BOC: variants seen among roughly 807,000 people sequenced by gnomAD.
BOC encodes BOC cell adhesion associated, oncogene regulated, also known as brother of CDO.
Under a neutral mutation model 112.0 loss-of-function variants are expected in BOC, and 76 were observed. That is an observed-to-expected ratio of 0.68 (90% CI 0.56 to 0.82). The LOEUF is 0.82. Among genes scored for constraint, BOC ranks in the 40% least tolerant of loss-of-function variants. BOC has a pLI of 0.00. For synonymous variants in BOC, 580 were observed against 599.8 expected, an observed-to-expected ratio of 0.97 and a Z score of 0.48; for missense variants, 1,309 against 1,511.7, an observed-to-expected ratio of 0.87 and a Z score of 2.22.
chr3:113,285,485 C>T lies in BOC; in HGVS notation c.3080C>T (p.Ala1027Val), dbSNP rs1387898963. ...HDCCQRQEQPAAVGQSGVRRA... is the reference protein window; with the variant it reads ...HDCCQRQEQPVAVGQSGVRRA... ...TGCTGCCAACGCCAGGAGCAGCCTG[C>T]TGCTGTGGGCCAGTCAGGGGTGAGG... is the stretch of plus-strand genomic sequence containing the variant. Residue 1027 changes from alanine (A) to valine (V), a missense_variant, in exon 19 of 20, where the codon GCT (alanine) becomes GTT (valine). Coordinates refer to ENST00000682979, the MANE Select transcript of BOC (RefSeq NM_001378074.1). 8.7e-6 allele frequency: 14 copies of T among 1,614,062 alleles called. No individual in the cohort carries two copies. Among genetic ancestry groups the T allele is most frequent in the Non-Finnish European group, 1.0e-5 (12 of 1,179,974 alleles).
chr3:113,276,305 C>A (rs1238590504), intron 9 of BOC, among the ~76,000 whole-genome samples: 2 of 152,340 alleles, frequency 1.3e-5, no homozygotes, highest in South Asian at 4.1e-4. Context: ...GCCGCATTCA[C>A]CCCCTCAGTG....
chr3:113,284,817 T>C lies in BOC; in HGVS notation c.2925T>C (p.His975=). Residue 975 remains histidine (H), a synonymous_variant, in exon 18 of 20, where the codon CAT becomes CAC. Coordinates refer to ENST00000682979, the MANE Select transcript of BOC (RefSeq NM_001378074.1). ...SDTSSLLRQT[H]LGNGYDPQSH... is the part of the protein sequence containing the mutation. Reference sequence around the variant, plus strand: ...CCAGCAGCCTGCTGAGGCAGACCCATCTTGGCAATGGATATGACCCCCAAA... The same window carrying C: ...CCAGCAGCCTGCTGAGGCAGACCCACCTTGGCAATGGATATGACCCCCAAA... 2 of 1,614,184 alleles carry C rather than the reference T, an allele frequency of 1.2e-6. No homozygotes were observed. Among genetic ancestry groups the C allele is most frequent in the Non-Finnish European group, 1.7e-6 (2 of 1,180,024 alleles).
At chr3:113,228,934 G>C (rs6799473) in intron 2 of BOC, among the ~76,000 whole-genome samples, 61,744 of 151,994 alleles carry the variant, frequency 0.41, 15,790 homozygotes, top group African/African-American at 0.73. Context: ...CTGCTCCTCC[G>C]CTCCCATACA....
In BOC at chr3:113,250,833, A is replaced by G; in HGVS notation, c.376A>G (p.Asn126Asp). 6.2e-7 allele frequency: 1 copy of G among 1,613,382 alleles called. No individual in the cohort carries two copies. The highest frequency in any genetic ancestry group is 1.6e-4 in the Middle Eastern group (1 of 6,062). Residue 126 changes from asparagine (N) to aspartate (D), a missense_variant and splice_region_variant, in exon 4 of 20, where the codon AAT becomes GAT. Coordinates refer to ENST00000682979, the MANE Select transcript of BOC (RefSeq NM_001378074.1). ...CGTGCCAGCCACTGTGACACTAGCC[A>G]GTGAGTCTGCTCCTTTGCCTCCCTG... ...ASVPATVTLA[N>D]LQDFKLDVQH... is the part of the protein sequence containing the mutation.
intron 4 of BOC, among the ~76,000 whole-genome samples, chr3:113,259,005 A>G (rs1946525144): frequency 1.3e-5 from 2 of 152,218 alleles, no homozygotes; most frequent in South Asian, 4.1e-4. Context: ...GCTCACTAGA[A>G]TTATCCCTGA....
At chr3:113,265,309 T>G (rs2107592728) in intron 4 of BOC, among the ~76,000 whole-genome samples, 1 of 152,214 alleles carries the variant, frequency 6.6e-6, no homozygotes. Context: ...TTAAGTATAT[T>G]CTTTGCTTAA....
At chr3:113,269,648 A>C (rs1362108224) in intron 5 of BOC, 1 of 152,232 alleles carries the variant, frequency 6.6e-6, no homozygotes, top group Non-Finnish European at 1.5e-5. Flanking sequence ...GAGAATACAG[A>C]AAACTGTTTT....
intron 4 of BOC, among the ~76,000 whole-genome samples, chr3:113,267,820 T>G (rs1307445289): frequency 6.6e-6 from 1 of 152,210 alleles, no homozygotes; most frequent in Non-Finnish European, 1.5e-5. Context: ...CTCTGCCTCC[T>G]GGGTTCATGC....
At chr3:113,212,755 T>G (rs1024689863) in intron 1 of BOC, 1 of 152,484 alleles carries the variant, frequency 6.6e-6, no homozygotes, top group Non-Finnish European at 1.5e-5. Flanking sequence ...CGCGCGTGTG[T>G]GCGTGTTCGC....
chr3:113,286,560 C>A, intron 19 of BOC, 115 bp from the exon 20 acceptor site: 1 of 991,506 alleles, frequency 1.0e-6, no homozygotes, highest in African/African-American at 1.7e-5. Context: ...TTTCTGTCCC[C>A]TTTCCAGAGC....
At position 113,278,980 on chromosome 3, in the gene BOC, T is replaced by G. The variant is rs1208162539; in HGVS notation, c.1816+197T>G. 5.0e-5 allele frequency: 32 copies of G among 643,604 alleles called. No homozygotes were observed. Among genetic ancestry groups the G allele is most frequent in the Middle Eastern group, 4.2e-4 (1 of 2,396 alleles). The allele number at this position is 643,604 out of a possible 1,614,324, so 39.9% of individuals were successfully genotyped here. Reference sequence around the variant, plus strand: ...ATTGATGCTGGGATTGCTCACTGGGTGCATCCAGAGAGCAGCAGAGGCCAG... The same window carrying G: ...ATTGATGCTGGGATTGCTCACTGGGGGCATCCAGAGAGCAGCAGAGGCCAG... On this transcript the variant is annotated intron_variant, in intron 11 of 19. Coordinates refer to ENST00000682979, the MANE Select transcript of BOC (RefSeq NM_001378074.1). The surrounding 1 kb of genome is among the most constrained non-coding windows in gnomAD (Gnocchi z 4.2).
At chr3:113,269,281 G>A (rs1947853864) in intron 5 of BOC, 1 of 152,250 alleles carries the variant, frequency 6.6e-6, no homozygotes, top group South Asian at 2.1e-4. Flanking sequence ...GACAGACACG[G>A]CAGCAGGTCT....
In BOC at chr3:113,249,900, G is replaced by A. The variant is rs1397691481; in HGVS notation, c.97+1G>A. On this transcript the variant is annotated splice_donor_variant, in intron 3 of 19. Transcript: ENST00000682979. LOFTEE classifies it high-confidence loss of function. ...ACAGCAGGCTGCTTTGCTGACTTGA[G>A]TGAGTGCTTTCCTTCCCTTTCCCTG... 1.2e-6 allele frequency: 2 copies of A among 1,612,924 alleles called. No homozygotes were observed. Among genetic ancestry groups the A allele is most frequent in the African/African-American group, 2.7e-5 (2 of 74,914 alleles).
chr3:113,271,141 A>C, intron 6 of BOC, 197 bp downstream of exon 6: 19 of 743,892 alleles, frequency 2.6e-5, no homozygotes, highest in Non-Finnish European at 3.8e-5. Flanking sequence ...CCAGCATCTC[A>C]CAGCACACAG....
intron 4 of BOC, among the ~76,000 whole-genome samples, chr3:113,259,817 A>T (rs1946620802): frequency 6.6e-6 from 1 of 152,230 alleles, no homozygotes; most frequent in Non-Finnish European, 1.5e-5. Context: ...ATTAATAGTG[A>T]GGTGCTTACA....
intron 2 of BOC, among the ~76,000 whole-genome samples, chr3:113,233,328 G>A (rs1239765752): frequency 1.3e-5 from 2 of 152,110 alleles, no homozygotes; most frequent in East Asian, 1.9e-4. Flanking sequence ...TCATGTGGAG[G>A]GTATAAATGT....
chr3:113,250,811 G>A lies in BOC; in HGVS notation c.354G>A (p.Val118=). The A allele has an allele frequency of 6.2e-7, 1 of 1,612,792 alleles. No homozygotes were observed. The highest frequency in any genetic ancestry group is 8.5e-7 in the Non-Finnish European group (1 of 1,179,942). The change falls in exon 4 of 20, where the codon GTG becomes GTA. Residue 118 remains valine (V), a synonymous_variant. Coordinates refer to ENST00000682979, the MANE Select transcript of BOC (RefSeq NM_001378074.1). The part of the protein sequence containing the change: ...ARMPAGAVAS[V]PATVTLANLQ... ...TGCCTGCGGGGGCTGTGGCCAGCGT[G>A]CCAGCCACTGTGACACTAGCCAGTG...
In BOC at chr3:113,274,983, G is replaced by C. The variant is rs1948512422; in HGVS notation, c.1542+301G>C. On this transcript the variant is annotated intron_variant, in intron 9 of 19. Coordinates refer to ENST00000682979, the MANE Select transcript of BOC (RefSeq NM_001378074.1). This position sits in a 1 kb window ranked among gnomAD's most constrained non-coding sequence, Gnocchi z 4.8. ...CACACTGGCTTCTAGTCCCTGAGGA[G>C]ACCGTGAACAGTCTCCCTGGTAACC... 6.6e-6 allele frequency among the ~76,000 whole-genome samples: 1 copy of C among 152,196 alleles called. No homozygotes were observed. Among genetic ancestry groups the C allele is most frequent in the South Asian group, 2.1e-4 (1 of 4,828 alleles).
At position 113,274,202 on chromosome 3, in the gene BOC, A is replaced by G. The variant is rs1384597818; in HGVS notation, c.1235-173A>G. On this transcript the variant is annotated intron_variant, in intron 8 of 19. Coordinates refer to ENST00000682979, the MANE Select transcript of BOC (RefSeq NM_001378074.1). This position sits in a 1 kb window ranked among gnomAD's most constrained non-coding sequence, Gnocchi z 4.8. ...CTTTTCCTTCTGGCAGGACAGGGAC[A>G]CCAGCGCTGTCTTCCACGGAGCCTG... Among the ~76,000 whole-genome samples the G allele has an allele frequency of 7.9e-5, 12 of 152,200 alleles. No homozygotes were observed. Among genetic ancestry groups the G allele is most frequent in the Admixed American group, 7.9e-4 (12 of 15,282 alleles).
Sources: gnomAD v4.1 joint callset for allele counts (sites outside exome capture counted in the v4.1 genomes callset) on GRCh38, gnomAD v4.1.1 for gene constraint, Gnocchi (gnomAD v3.1) non-coding constraint, MANE v1.5 for transcripts, NCBI Gene and HGNC (gene_info 2026-07-23, HGNC 2026-07-21) for gene names.